AFF3: variants seen among roughly 807,000 people sequenced by gnomAD.
The protein encoded by AFF3 is AF4/FMR2 family member 3.
AFF3 carries 32 observed loss-of-function variants against 129.7 expected under a neutral mutation model. The ratio of observed to expected loss-of-function variants is 0.25; its 90% CI spans 0.19 to 0.33. AFF3 has a LOEUF of 0.33. Among genes scored for constraint, AFF3 ranks in the 10% least tolerant of loss-of-function variants. AFF3 has a pLI of 1.00. For missense variants in AFF3, 1,373 were observed against 1,592.0 expected, an observed-to-expected ratio of 0.86 and a Z score of 2.34; for synonymous variants, 644 against 635.4, an observed-to-expected ratio of 1.01 and a Z score of -0.20.
At chr2:100,096,581 G>A (rs1181244468) in intron 4 of AFF3, among the ~76,000 whole-genome samples, 3 of 150,476 alleles carry the variant, frequency 2.0e-5, no homozygotes, top group Non-Finnish European at 4.4e-5. Flanking sequence ...ACAAGTCAAA[G>A]TTTGGTCTGT....
At chr2:100,050,147 G>A (rs1026169207) in intron 4 of AFF3, among the ~76,000 whole-genome samples, 5 of 150,364 alleles carry the variant, frequency 3.3e-5, no homozygotes, top group Non-Finnish European at 7.4e-5. Context: ...GGGGTGAGCC[G>A]AGATCACACC....
At chr2:100,081,387 G>A (rs1235525479) in intron 4 of AFF3, among the ~76,000 whole-genome samples, 2 of 151,682 alleles carry the variant, frequency 1.3e-5, no homozygotes, top group Non-Finnish European at 2.9e-5. Flanking sequence ...GGAGACAGAA[G>A]AGGATGCCTC....
intron 18 of AFF3, among the ~76,000 whole-genome samples, chr2:99,577,958 C>A (rs1677153438): frequency 6.6e-6 from 1 of 152,138 alleles, no homozygotes; most frequent in African/African-American, 2.4e-5. Context: ...TTATTCATTG[C>A]CTATTATAAT....
intron 18 of AFF3, 96 bp downstream of exon 18, chr2:99,578,231 C>G (rs1314990849): frequency 1.4e-6 from 2 of 1,460,982 alleles, no homozygotes; most frequent in East Asian, 2.5e-5. Context: ...CGCACTGTAG[C>G]TGAAGGTGGC....
intron 7 of AFF3, among the ~76,000 whole-genome samples, chr2:99,908,211 T>C (rs890531359): frequency 3.3e-5 from 5 of 152,148 alleles, no homozygotes; most frequent in Non-Finnish European, 5.9e-5. Context: ...TAACCTTTTT[T>C]TGGAATAGGT....
intron 11 of AFF3, among the ~76,000 whole-genome samples, chr2:99,700,068 G>A (rs1314158894): frequency 2.6e-5 from 4 of 152,072 alleles, no homozygotes; most frequent in African/African-American, 9.7e-5. Context: ...TGCCTGCAAG[G>A]TAAGAATGAG....
intron 11 of AFF3, among the ~76,000 whole-genome samples, chr2:99,708,776 T>C (rs1294565679): frequency 6.6e-6 from 1 of 152,200 alleles, no homozygotes; most frequent in Non-Finnish European, 1.5e-5. Context: ...AAGATGAAGA[T>C]CTTAATTACA....
chr2:99,637,418 G>T (rs116291950), intron 13 of AFF3, among the ~76,000 whole-genome samples: 1,733 of 152,280 alleles, frequency 0.011, 30 homozygotes, highest in African/African-American at 0.039. Flanking sequence ...GCACTGAAAT[G>T]CATCTTTTTT....
At chr2:99,653,044 G>C (rs546024102) in intron 12 of AFF3, among the ~76,000 whole-genome samples, 1 of 152,176 alleles carries the variant, frequency 6.6e-6, no homozygotes, top group African/African-American at 2.4e-5. Context: ...CGCAGAGCAT[G>C]CTGATAAAAC....
chr2:100,035,237 CA>C, intron 4 of AFF3, among the ~76,000 whole-genome samples: 1 of 152,192 alleles, frequency 6.6e-6, no homozygotes. Flanking sequence ...TCTGTCAAAA[CA>C]AGGCTGCTTA....
At chr2:99,868,421 A>G (rs994987537) in intron 7 of AFF3, among the ~76,000 whole-genome samples, 2 of 152,204 alleles carry the variant, frequency 1.3e-5, no homozygotes, top group African/African-American at 4.8e-5. Flanking sequence ...GAGGGGAGAC[A>G]GCAGGCCAGG....
At chr2:99,921,380 A>G (rs1196391524) in intron 7 of AFF3, among the ~76,000 whole-genome samples, 1 of 152,128 alleles carries the variant, frequency 6.6e-6, no homozygotes, top group South Asian at 2.1e-4. Flanking sequence ...GAAACTGAGG[A>G]GTTATCACAA....
At chr2:100,049,526 A>C (rs918926206) in intron 4 of AFF3, among the ~76,000 whole-genome samples, 1 of 152,230 alleles carries the variant, frequency 6.6e-6, no homozygotes, top group Non-Finnish European at 1.5e-5. Flanking sequence ...AATTAAGGAA[A>C]TCTGAATATA....
chr2:100,027,852 T>C (rs186163317), intron 4 of AFF3, among the ~76,000 whole-genome samples: 2 of 152,308 alleles, frequency 1.3e-5, no homozygotes, highest in Admixed American at 6.5e-5. Context: ...TGTAACACCA[T>C]TTCTTAATAT....
rs927163035 is a variant in AFF3 at position 100,118,990 on chromosome 2, G to A, written c.-145+10234C>T. Among the ~76,000 whole-genome samples the A allele has an allele frequency of 1.2e-4, 19 of 152,014 alleles. 1 individual carries two copies. The highest frequency in any genetic ancestry group is 7.2e-5 in the African/African-American group (3 of 41,464). ...TAATTTTTGTATTTTTAGCAGAGAC[G>A]GGGTTTCACCATGTTGGCCATGCTG... On this transcript the variant is annotated intron_variant, in intron 2 of 24. Transcript: ENST00000672756.
At chr2:99,671,724 C>G (rs865825408) in intron 12 of AFF3, among the ~76,000 whole-genome samples, 1 of 152,076 alleles carries the variant, frequency 6.6e-6, no homozygotes, top group Non-Finnish European at 1.5e-5. Flanking sequence ...TGTCTTTCTA[C>G]CCATCACATG....
rs1487673269 is a variant in AFF3, at chr2:99,549,819, C to CA, written c.*1654dup. The CA allele has an allele frequency of 4.5e-6, 1 of 220,016 alleles. No individual in the cohort carries two copies. Among genetic ancestry groups the CA allele is most frequent in the Admixed American group, 5.8e-5 (1 of 17,250 alleles). The allele number at this position is 220,016 out of a possible 1,614,324, so 13.6% of individuals were successfully genotyped here. Reference sequence around the variant, plus strand: ...ACTTCCCACCTACAGATCAGGCTAACAAAAATGTTAACACTGCAAACCAAC... The same window carrying CA: ...ACTTCCCACCTACAGATCAGGCTAACAAAAAATGTTAACACTGCAAACCAAC... On this transcript the variant is annotated 3_prime_UTR_variant, in exon 25 of 25. Transcript: ENST00000672756.
At chr2:100,023,397 T>C (rs557280904) in intron 4 of AFF3, among the ~76,000 whole-genome samples, 26 of 152,330 alleles carry the variant, frequency 1.7e-4, no homozygotes, top group African/African-American at 6.3e-4. Flanking sequence ...ACATTGTCCT[T>C]TTGGAATTAA....
intron 4 of AFF3, among the ~76,000 whole-genome samples, chr2:100,076,269 A>C (rs1688581894): frequency 6.6e-6 from 1 of 152,176 alleles, no homozygotes; most frequent in Non-Finnish European, 1.5e-5. Flanking sequence ...AGTGACAATT[A>C]AAATGTCACC....
Sources: allele counts gnomAD v4.1 joint callset (sites outside exome capture counted in the v4.1 genomes callset), GRCh38; gene constraint gnomAD v4.1.1; transcripts MANE v1.5; gene names NCBI Gene and HGNC (gene_info 2026-07-23, HGNC 2026-07-21).